ATG2A: variants seen among roughly 807,000 people sequenced by gnomAD.
ATG2A encodes autophagy related 2A, also known as autophagy-related protein 2 homolog A.
In ATG2A, 103 loss-of-function variants were observed where a neutral mutation model predicts 214.2. The observed-to-expected ratio is 0.48, with a 90% CI of 0.41 to 0.57. The LOEUF is 0.57. ATG2A is among the 20% of genes least tolerant of loss of function. ATG2A has a pLI of 0.00. For missense variants in ATG2A, 2,312 were observed against 2,613.2 expected (o/e 0.88, Z 2.51); for synonymous variants, 1,160 against 1,142.1 (o/e 1.02, Z -0.32).
In ATG2A at chr11:64,898,767, G is replaced by A. The variant is rs779584682; in HGVS notation, c.4540C>T (p.Arg1514Ter). 2 of 1,613,736 alleles carry A rather than the reference G, an allele frequency of 1.2e-6. No individual in the cohort carries two copies. Among genetic ancestry groups the A allele is most frequent in the South Asian group, 1.1e-5 (1 of 91,078 alleles). ...ATGAACACCTGACGGGACAGCGGTCGCTCCTCCAGCTCCTGGCTGGGGGCC... is the reference window on the plus strand; with the variant it reads ...ATGAACACCTGACGGGACAGCGGTCACTCCTCCAGCTCCTGGCTGGGGGCC... Reference protein sequence around the residue: ...PAAPSQELEERPLSRQVFIVQ... With the variant: ...PAAPSQELEE Residue 1514 changes from arginine (R) to a stop codon, truncating the protein, a stop_gained, in exon 32 of 41, where the codon CGA (arginine) becomes TGA (stop). Transcript: ENST00000377264. LOFTEE classifies it high-confidence loss of function. The surrounding 1 kb of genome is among the most constrained non-coding windows in gnomAD (Gnocchi z 4.5).
Position 64,898,136 on chromosome 11 carries a change from C to T in ATG2A, c.4808G>A (p.Ser1603Asn). 1.2e-6 allele frequency: 2 copies of T among 1,614,140 alleles called. No homozygotes were observed. The highest frequency in any genetic ancestry group is 1.7e-6 in the Non-Finnish European group (2 of 1,180,018). ...ALFFLKDFFT[S>N]LVAGINPVVP... is the part of the protein sequence containing the mutation. ...CACGGGGTTGATGCCGGCCACCAGACTAGTGAAGAAGTCCTTGAGGAAGAA... is the reference window on the plus strand; with the variant it reads ...CACGGGGTTGATGCCGGCCACCAGATTAGTGAAGAAGTCCTTGAGGAAGAA... Residue 1603 changes from serine to asparagine, a missense_variant, in exon 34 of 41, where the codon AGT becomes AAT. Coordinates refer to ENST00000377264, the MANE Select transcript of ATG2A (RefSeq NM_015104.3). The surrounding 1 kb of genome is among the most constrained non-coding windows in gnomAD (Gnocchi z 4.5).
Position 64,910,026 on chromosome 11 carries a change from C to T in ATG2A, c.1863+14G>A. 6.4e-7 allele frequency: 1 copy of T among 1,563,800 alleles called. No homozygotes were observed. The highest frequency in any genetic ancestry group is 8.7e-7 in the Non-Finnish European group (1 of 1,155,812). On this transcript the variant is annotated intron_variant, in intron 13 of 40. Transcript: ENST00000377264. ...GCACCCACCCCCGGCCTGGCCCTGGCAGGGGCCTCTCACCAGCAGGCCGGC... is the reference window on the plus strand; with the variant it reads ...GCACCCACCCCCGGCCTGGCCCTGGTAGGGGCCTCTCACCAGCAGGCCGGC...
In ATG2A at chr11:64,902,387, C is replaced by G. The variant is rs1359197317; in HGVS notation, c.3778-1G>C. The stretch of plus-strand genomic sequence containing the variant: ...GCAGAGAGGCAGGACTCTCCGAGAG[C>G]TGGGCCAGGCAGGGGAGGAGCAATG... On this transcript the variant is annotated splice_acceptor_variant, in intron 27 of 40. Coordinates refer to ENST00000377264, the MANE Select transcript of ATG2A (RefSeq NM_015104.3). LOFTEE classifies it high-confidence loss of function. 1 of 1,564,234 alleles carries G rather than the reference C, an allele frequency of 6.4e-7. No individual in the cohort carries two copies. Among genetic ancestry groups the G allele is most frequent in the Non-Finnish European group, 8.7e-7 (1 of 1,155,154 alleles).
chr11:64,910,486 C>A, intron 12 of ATG2A, 130 bp downstream of exon 12: 4 of 1,169,182 alleles, frequency 3.4e-6, no homozygotes. Flanking sequence ...ATTTGAGGGC[C>A]CCAGCATGGA....
chr11:64,908,528 G>A (rs1410408764), intron 16 of ATG2A, among the ~76,000 whole-genome samples: 2 of 152,036 alleles, frequency 1.3e-5, no homozygotes, highest in African/African-American at 2.4e-5. Flanking sequence ...CTCCAGCCTC[G>A]GCGACACAGC....
At position 64,911,971 on chromosome 11, in the gene ATG2A, A is replaced by G; in HGVS notation, c.1099T>C (p.Ser367Pro). The change falls in exon 9 of 41, where the codon TCC becomes CCC. Residue 367 changes from serine (S) to proline (P), a missense_variant. Coordinates refer to ENST00000377264, the MANE Select transcript of ATG2A (RefSeq NM_015104.3). Reference protein sequence around the residue: ...LNLDNTDLFFSMAGLTSSVAS... With the variant: ...LNLDNTDLFFPMAGLTSSVAS... Reference sequence around the variant, plus strand: ...ACACTGCTTGTGAGGCCAGCCATGGAGAAGAAGAGGTCTGTGGGTGAAGTG... The same window carrying G: ...ACACTGCTTGTGAGGCCAGCCATGGGGAAGAAGAGGTCTGTGGGTGAAGTG... 1 of 1,613,636 alleles carries G rather than the reference A, an allele frequency of 6.2e-7. No individual in the cohort carries two copies. Among genetic ancestry groups the G allele is most frequent in the East Asian group, 2.2e-5 (1 of 44,876 alleles).
chr11:64,914,903 TG>T lies in ATG2A; in HGVS notation c.172-404del, dbSNP rs1482265331. Among the ~76,000 whole-genome samples the T allele has an allele frequency of 5.2e-4, 9 of 17,198 alleles. No homozygotes were observed. The East Asian group carries it at 0.011, about 22-fold the overall frequency. The allele number at this position is 17,198 out of a possible 152,430, so 11.3% of individuals were successfully genotyped here. On this transcript the variant is annotated intron_variant, in intron 1 of 40. Transcript: ENST00000377264. Reference sequence around the variant, plus strand: ...AGGTGCTTGGGGGTGGTGAGGGGGCTGGTGGGGGGGCCGTGGGGAAGACGCC... The same window carrying T: ...AGGTGCTTGGGGGTGGTGAGGGGGCTGTGGGGGGGCCGTGGGGAAGACGCC...
rs1444405071 is a variant in ATG2A at position 64,894,590 on chromosome 11, G to A, written c.*383C>T. 1.2e-5 allele frequency: 6 copies of A among 498,272 alleles called. No individual in the cohort carries two copies. The highest frequency in any genetic ancestry group is 6.0e-4 in the Middle Eastern group (2 of 3,344). 30.9% of individuals were successfully genotyped at this position (498,272 alleles called of 1,614,324 possible). On this transcript the variant is annotated 3_prime_UTR_variant, in exon 41 of 41. Transcript: ENST00000377264. Reference sequence around the variant, plus strand: ...CCACTTCATGCAGACACTGACCCACGCACTCACGGAGCTTAAAAATAATAC... The same window carrying A: ...CCACTTCATGCAGACACTGACCCACACACTCACGGAGCTTAAAAATAATAC...
chr11:64,913,198 A>T lies in ATG2A; in HGVS notation c.727-62T>A, dbSNP rs986642399. On this transcript the variant is annotated intron_variant, in intron 5 of 40. Coordinates refer to ENST00000377264, the MANE Select transcript of ATG2A (RefSeq NM_015104.3). The surrounding 1 kb of genome is among the most constrained non-coding windows in gnomAD (Gnocchi z 4.3). ...AAAATGGAGTCAGAGATGGTCAGAAAGGATGGGAGGGGCTCAATGGGCTCA... is the reference window on the plus strand; with the variant it reads ...AAAATGGAGTCAGAGATGGTCAGAATGGATGGGAGGGGCTCAATGGGCTCA... The T allele has an allele frequency of 2.2e-5, 36 of 1,609,760 alleles. No homozygotes were observed. Among genetic ancestry groups the T allele is most frequent in the Non-Finnish European group, 2.9e-5 (34 of 1,178,306 alleles).
At position 64,903,769 on chromosome 11, in the gene ATG2A, C is replaced by G. The variant is rs1243911685; in HGVS notation, c.3465-109G>C. 22 of 1,079,454 alleles carry G rather than the reference C, an allele frequency of 2.0e-5. No individual in the cohort carries two copies. Among genetic ancestry groups the G allele is most frequent in the African/African-American group, 3.2e-5 (2 of 62,632 alleles). The allele number at this position is 1,079,454 out of a possible 1,614,324, so 66.9% of individuals were successfully genotyped here. The stretch of plus-strand genomic sequence containing the variant: ...CACAGGAGGTGGTATGGACAGGCCC[C>G]TCCAGCCTCAGCGTTCCTGCCTGCA... On this transcript the variant is annotated intron_variant, in intron 24 of 40. Transcript: ENST00000377264. This position sits in a 1 kb window ranked among gnomAD's most constrained non-coding sequence, Gnocchi z 4.2.
intron 37 of ATG2A, 199 bp downstream of exon 37, chr11:64,897,213 G>A: frequency 1.5e-6 from 1 of 655,472 alleles, no homozygotes; most frequent in Non-Finnish European, 2.6e-6. Flanking sequence ...AGACGGGGGG[G>A]TTTCACCATG....
chr11:64,901,375 CG>C (rs1032825922), intron 29 of ATG2A, among the ~76,000 whole-genome samples: 8 of 152,030 alleles, frequency 5.3e-5, no homozygotes, highest in Non-Finnish European at 1.2e-4. Flanking sequence ...TTTGTAGAGA[CG>C]GGGTCTCACT....
intron 29 of ATG2A, among the ~76,000 whole-genome samples, chr11:64,901,467 G>A (rs149235228): frequency 3.9e-5 from 6 of 152,192 alleles, no homozygotes; most frequent in African/African-American, 1.4e-4. Flanking sequence ...GATTACAGGC[G>A]TAACCTACCA....
intron 11 of ATG2A, 35 bp downstream of exon 11, chr11:64,910,772 A>G (rs1944739921): frequency 1.2e-6 from 2 of 1,610,024 alleles, no homozygotes; most frequent in African/African-American, 2.7e-5. Context: ...AAACCTCCAG[A>G]CCCCGCCTCG....
At position 64,906,359 on chromosome 11, in the gene ATG2A, T is replaced by G. The variant is rs1441035793; in HGVS notation, c.3158A>C (p.His1053Pro). The G allele has an allele frequency of 1.2e-6, 2 of 1,613,210 alleles. No homozygotes were observed. ...CTTCACATTCTTGTGGGGGTCCAGGTGGATGCGCACAGCAGTGGACAACAT... is the reference window on the plus strand; with the variant it reads ...CTTCACATTCTTGTGGGGGTCCAGGGGGATGCGCACAGCAGTGGACAACAT... ...PHMLSTAVRI[H>P]LDPHKNVKEF... Residue 1053 changes from histidine (H) to proline (P), a missense_variant, in exon 21 of 41, where the codon CAC becomes CCC. Transcript: ENST00000377264.
At chr11:64,900,752 TAAGG>T (rs1944323876) in intron 30 of ATG2A, 123 bp from the exon 31 acceptor site, 1 of 1,442,302 alleles carries the variant, frequency 6.9e-7, no homozygotes, top group Admixed American at 2.7e-5. Flanking sequence ...GCAGGCGGGA[TAAGG>T]AAGGATGAGG....
rs752568562 is a variant in ATG2A at position 64,900,446 on chromosome 11, G to A, written c.4464+48C>T. On this transcript the variant is annotated intron_variant, in intron 31 of 40. Coordinates refer to ENST00000377264, the MANE Select transcript of ATG2A (RefSeq NM_015104.3). ...ACACGTGACATCGAGAACAAGGCCCGTTGTTCTATGACACACACGTGTAGT... is the reference window on the plus strand; with the variant it reads ...ACACGTGACATCGAGAACAAGGCCCATTGTTCTATGACACACACGTGTAGT... 1.6e-5 allele frequency: 26 copies of A among 1,610,840 alleles called. No individual in the cohort carries two copies. The South Asian group carries it at 2.0e-4, about 12-fold the overall frequency.
Position 64,909,933 on chromosome 11 carries a change from G to C in ATG2A, c.1864-9C>G, listed in dbSNP as rs1944701641. 1 of 1,596,028 alleles carries C rather than the reference G, an allele frequency of 6.3e-7. No individual in the cohort carries two copies. The highest frequency in any genetic ancestry group is 1.3e-5 in the African/African-American group (1 of 74,660). On this transcript the variant is annotated splice_polypyrimidine_tract_variant and intron_variant, in intron 13 of 40. Coordinates refer to ENST00000377264, the MANE Select transcript of ATG2A (RefSeq NM_015104.3). Reference sequence around the variant, plus strand: ...GCCGGCAGGGGCTCTGTCTGCAGGAGGATTGGGGGTCAGAGCAGCCGTCGG... The same window carrying C: ...GCCGGCAGGGGCTCTGTCTGCAGGACGATTGGGGGTCAGAGCAGCCGTCGG...
rs1944426439 is a variant in ATG2A at position 64,903,377 on chromosome 11, CGA to C, written c.3536-15_3536-14del. On this transcript the variant is annotated splice_polypyrimidine_tract_variant and intron_variant, in intron 25 of 40. Coordinates refer to ENST00000377264, the MANE Select transcript of ATG2A (RefSeq NM_015104.3). This position sits in a 1 kb window ranked among gnomAD's most constrained non-coding sequence, Gnocchi z 4.2. ...ACACAGACATAATCTGCAGCAGAGG[CGA>C]GAGAAAGGTCCTGTGGCCCCCTTCC... The C allele has an allele frequency of 3.7e-6, 6 of 1,613,914 alleles. No individual in the cohort carries two copies. The East Asian group carries it at 1.1e-4, about 30-fold the overall frequency.
Sources: gnomAD v4.1 joint callset for allele counts (sites outside exome capture counted in the v4.1 genomes callset) on GRCh38, gnomAD v4.1.1 for gene constraint, Gnocchi (gnomAD v3.1) non-coding constraint, MANE v1.5 for transcripts, NCBI Gene and HGNC (gene_info 2026-07-23, HGNC 2026-07-21) for gene names.